The following CENPK variants were observed in gnomAD, a reference collection of about 807,000 sequenced individuals.
CENPK encodes centromere protein K, also known as SoxLZ/Sox6-binding protein Solt.
CENPK carries 46 observed loss-of-function variants against 40.9 expected under a neutral mutation model. The observed-to-expected ratio is 1.13, with a 90% CI of 0.89 to 1.44. The LOEUF (loss-of-function observed/expected upper bound fraction) is 1.44. Ranked by LOEUF, CENPK falls within the 40% of genes most tolerant of loss-of-function variation. CENPK has a pLI of 0.00. For synonymous variants in CENPK, 107 were observed against 104.4 expected, an observed-to-expected ratio of 1.02 and a Z score of -0.15; for missense variants, 288 against 303.5, an observed-to-expected ratio of 0.95 and a Z score of 0.38.
chr5:65,549,835 A>G (rs906573211), intron 5 of CENPK, among the ~76,000 whole-genome samples: 4 of 152,200 alleles, frequency 2.6e-5, no homozygotes, highest in Admixed American at 6.5e-5. Context: ...AACTTTCTCT[A>G]TAACAGCAAT....
the CENPK span, among the ~76,000 whole-genome samples, chr5:65,503,862 T>C: frequency 1.3e-5 from 2 of 151,884 alleles, no homozygotes; most frequent in African/African-American, 4.8e-5. Context: ...TTCACCATAT[T>C]GGTCAGACTG....
Position 65,554,953 on chromosome 5 carries a change from CA to C in CENPK, c.-39-8del. The C allele has an allele frequency of 9.1e-7, 1 of 1,104,154 alleles. No individual in the cohort carries two copies. The highest frequency in any genetic ancestry group is 1.4e-6 in the Non-Finnish European group (1 of 725,854). 68.4% of individuals were successfully genotyped at this position (1,104,154 alleles called of 1,614,324 possible). On this transcript the variant is annotated splice_region_variant and splice_polypyrimidine_tract_variant and intron_variant, in intron 2 of 10. Transcript: ENST00000396679. Reference sequence around the variant, plus strand: ...TTTAGCCTTATAAGAAAAACTAAAGCAAAAAATATTTATTCATTCAGCAGTA... The same window carrying C: ...TTTAGCCTTATAAGAAAAACTAAAGCAAAAATATTTATTCATTCAGCAGTA...
rs755202958 is a variant in CENPK, at chr5:65,529,100, T to C, written c.371+17A>G. ...AATATATATGAATGATTAATAGTAA[T>C]TGTAACATAAACAAACCTTTCTAAG... On this transcript the variant is annotated intron_variant, in intron 7 of 10. Transcript: ENST00000396679. 1.9e-6 allele frequency: 3 copies of C among 1,569,716 alleles called. No homozygotes were observed. Among genetic ancestry groups the C allele is most frequent in the Admixed American group, 1.7e-5 (1 of 58,922 alleles).
At chr5:65,511,164 A>G in the CENPK span, among the ~76,000 whole-genome samples, 1 of 152,172 alleles carries the variant, frequency 6.6e-6, no homozygotes, top group African/African-American at 2.4e-5. Context: ...AGGTTGAGAG[A>G]GGTGAGGAAG....
chr5:65,517,154 G>A (rs929481300), downstream of CENPK, among the ~76,000 whole-genome samples: 1 of 152,086 alleles, frequency 6.6e-6, no homozygotes, highest in African/African-American at 2.4e-5. Flanking sequence ...TGTTGGCCTG[G>A]CTGGTCTCGA....
At chr5:65,505,104 T>A in the CENPK span, among the ~76,000 whole-genome samples, 7 of 152,138 alleles carry the variant, frequency 4.6e-5, no homozygotes, top group African/African-American at 1.2e-4. Context: ...ATTTTTTTTT[T>A]AATTTTTATT....
intron 2 of CENPK, among the ~76,000 whole-genome samples, chr5:65,557,243 T>C (rs1304285429): frequency 1.3e-5 from 2 of 152,190 alleles, no homozygotes; most frequent in Admixed American, 6.5e-5. Context: ...TTACAGAGAA[T>C]TGACAATTTA....
At chr5:65,549,394 C>G (rs1405911859) in intron 5 of CENPK, among the ~76,000 whole-genome samples, 1 of 152,142 alleles carries the variant, frequency 6.6e-6, no homozygotes, top group Admixed American at 6.5e-5. Flanking sequence ...GGTTTTAACT[C>G]AGAGTCACCA....
intron 10 of CENPK, among the ~76,000 whole-genome samples, chr5:65,519,165 G>C (rs898549953): frequency 2.0e-5 from 3 of 152,064 alleles, no homozygotes; most frequent in Non-Finnish European, 4.4e-5. Context: ...ATTGAGTTTT[G>C]AGTATTTGTA....
At chr5:65,513,142 T>C (rs1184964189), downstream of CENPK, among the ~76,000 whole-genome samples, 3 of 152,214 alleles carry the variant, frequency 2.0e-5, no homozygotes, top group Non-Finnish European at 4.4e-5. Flanking sequence ...TTTAACAGTG[T>C]CCTTCACAGA....
chr5:65,530,705 T>TA (rs1266305616), intron 6 of CENPK, among the ~76,000 whole-genome samples: 4 of 152,188 alleles, frequency 2.6e-5, no homozygotes, highest in Non-Finnish European at 5.9e-5. Context: ...TACTGATAAT[T>TA]AGAGACCAGC....
intron 1 of CENPK, 33 bp from the exon 2 acceptor site, chr5:65,561,597 AAC>A (rs10560318): frequency 0.077 from 29,209 of 378,814 alleles, 904 homozygotes; most frequent in East Asian, 0.11. Context: ...GTTTAATTAA[AAC>A]ACACACACAC....
intron 9 of CENPK, among the ~76,000 whole-genome samples, chr5:65,526,603 TG>T (rs1432342093): frequency 6.6e-6 from 1 of 152,002 alleles, no homozygotes; most frequent in East Asian, 1.9e-4. Flanking sequence ...TCACAGGGCA[TG>T]GGGATAAAGG....
intron 6 of CENPK, among the ~76,000 whole-genome samples, chr5:65,535,025 T>A (rs1052183821): frequency 2.0e-5 from 3 of 152,152 alleles, no homozygotes; most frequent in Admixed American, 2.0e-4. Context: ...CATACAAGCC[T>A]GGGCAACATT....
downstream of CENPK, among the ~76,000 whole-genome samples, chr5:65,515,204 A>AATT (rs35708852): frequency 1.2e-4 from 15 of 124,066 alleles, no homozygotes; most frequent in South Asian, 2.6e-4. Context: ...TCTCAAAAAA[A>AATT]TTTTTTTTTT....
intron 6 of CENPK, among the ~76,000 whole-genome samples, chr5:65,542,597 A>G (rs1453767938): frequency 6.6e-6 from 1 of 152,100 alleles, no homozygotes; most frequent in Non-Finnish European, 1.5e-5. Flanking sequence ...GGATTGTGCC[A>G]CTGCATTCCA....
chr5:65,554,654 T>C, intron 3 of CENPK, 143 bp downstream of exon 3: 1 of 593,566 alleles, frequency 1.7e-6, no homozygotes, highest in Non-Finnish European at 3.0e-6. Flanking sequence ...GAATGAATGC[T>C]GATAGGTCTA....
downstream of CENPK, among the ~76,000 whole-genome samples, chr5:65,517,074 TG>T (rs1742912506): frequency 6.6e-6 from 1 of 152,076 alleles, no homozygotes; most frequent in African/African-American, 2.4e-5. Context: ...TTCAAGTAGC[TG>T]GGATTACAGG....
intron 2 of CENPK, among the ~76,000 whole-genome samples, chr5:65,559,246 A>T (rs1412863698): frequency 6.6e-6 from 1 of 152,232 alleles, no homozygotes; most frequent in Non-Finnish European, 1.5e-5. Flanking sequence ...TAAAGACGTT[A>T]ATTCTCCCCC....
Sources: allele counts gnomAD v4.1 joint callset (sites outside exome capture counted in the v4.1 genomes callset), GRCh38; gene constraint gnomAD v4.1.1; transcripts MANE v1.5; gene names NCBI Gene and HGNC (gene_info 2026-07-23, HGNC 2026-07-21).